Variants in SPAG16 observed in about 807,000 individuals in gnomAD.
SPAG16 encodes sperm-associated antigen 16 protein.
A neutral mutation model predicts 80.4 loss-of-function variants in SPAG16; 86 were observed. The observed-to-expected ratio is 1.07, with a 90% CI of 0.90 to 1.28. The LOEUF (loss-of-function observed/expected upper bound fraction) is 1.28. Among genes scored for constraint, SPAG16 ranks in the 50% most tolerant of loss-of-function variants. SPAG16 has a pLI of 0.00. For synonymous variants in SPAG16, 294 were observed against 265.9 expected, an observed-to-expected ratio of 1.11 and a Z score of -1.03; for missense variants, 870 against 765.3, an observed-to-expected ratio of 1.14 and a Z score of -1.61.
chr2:214,173,219 T>C (rs2056945178), intron 15 of SPAG16, among the ~76,000 whole-genome samples: 1 of 152,160 alleles, frequency 6.6e-6, no homozygotes, highest in South Asian at 2.1e-4. Flanking sequence ...TCTAGGGTTT[T>C]TATGGTTTTA....
intron 15 of SPAG16, among the ~76,000 whole-genome samples, chr2:214,294,829 C>A (rs532479456): frequency 1.3e-4 from 20 of 152,232 alleles, no homozygotes; most frequent in South Asian, 8.3e-4. Flanking sequence ...GATCTTAATG[C>A]CTCTCCCAAT....
chr2:214,269,628 A>G (rs937234873), intron 15 of SPAG16, among the ~76,000 whole-genome samples: 4 of 152,148 alleles, frequency 2.6e-5, no homozygotes, highest in Admixed American at 6.6e-5. Context: ...TTGTAATGCC[A>G]TAAGAATTAT....
At chr2:213,926,010 C>A (rs780621230) in intron 11 of SPAG16, among the ~76,000 whole-genome samples, 1 of 151,700 alleles carries the variant, frequency 6.6e-6, no homozygotes, top group Non-Finnish European at 1.5e-5. Flanking sequence ...ATACATTTTT[C>A]TTTCCAAACA....
rs965021702 is a variant in SPAG16, at chr2:213,598,744, A to G, written c.1070+108654A>G. Among the ~76,000 whole-genome samples, 12 of 152,342 alleles carry G rather than the reference A, an allele frequency of 7.9e-5. No homozygotes were observed. The East Asian group carries it at 2.3e-3, about 29-fold the overall frequency. ...TTTGTGGGGAAAGAGGTACTGAGAC[A>G]GGAATAATACATGGTGGTTGCAGGA... On this transcript the variant is annotated intron_variant, in intron 10 of 15. Transcript: ENST00000331683.
intron 10 of SPAG16, among the ~76,000 whole-genome samples, chr2:213,538,235 T>A (rs1156257505): frequency 6.6e-6 from 1 of 152,188 alleles, no homozygotes; most frequent in Admixed American, 6.5e-5. Flanking sequence ...GTTTGGATGA[T>A]ACATTTTTCT....
intron 10 of SPAG16, among the ~76,000 whole-genome samples, chr2:213,792,576 CTTTT>C (rs11372174): frequency 3.8e-5 from 3 of 78,250 alleles, no homozygotes; most frequent in East Asian, 4.1e-4. Flanking sequence ...AAATGAGTAT[CTTTT>C]TTTTTTTTTT....
At chr2:213,924,240 C>T (rs930717798) in intron 11 of SPAG16, among the ~76,000 whole-genome samples, 3 of 152,148 alleles carry the variant, frequency 2.0e-5, no homozygotes, top group Admixed American at 2.0e-4. Flanking sequence ...TTGATAGTTG[C>T]CCCTGCAAAA....
chr2:213,587,241 C>T (rs528334889), intron 10 of SPAG16, among the ~76,000 whole-genome samples: 3 of 152,286 alleles, frequency 2.0e-5, no homozygotes, highest in Non-Finnish European at 2.9e-5. Context: ...TAGAAGCAGC[C>T]ACATTCCCAC....
chr2:213,584,261 T>C (rs780540406), intron 10 of SPAG16, among the ~76,000 whole-genome samples: 14 of 151,738 alleles, frequency 9.2e-5, no homozygotes, highest in Non-Finnish European at 1.5e-4. Flanking sequence ...TTATCGTTTT[T>C]AAAATGTCTT....
At chr2:214,168,015 G>C (rs1346552686) in intron 15 of SPAG16, among the ~76,000 whole-genome samples, 4 of 126,422 alleles carry the variant, frequency 3.2e-5, no homozygotes, top group Non-Finnish European at 6.4e-5. Context: ...TTTTGAGATA[G>C]AGTCTTGCTC....
intron 15 of SPAG16, among the ~76,000 whole-genome samples, chr2:214,280,322 A>G (rs959848476): frequency 1.3e-5 from 2 of 152,238 alleles, no homozygotes; most frequent in East Asian, 1.9e-4. Context: ...ATTAAATACA[A>G]TGCCAGTTCA....
chr2:213,644,072 C>T (rs144291382), intron 10 of SPAG16, among the ~76,000 whole-genome samples: 8,802 of 151,034 alleles, frequency 0.058, 835 homozygotes, highest in African/African-American at 0.2. Context: ...TGAGACACCA[C>T]GCCCGGCCCA....
intron 13 of SPAG16, among the ~76,000 whole-genome samples, chr2:214,047,296 C>A (rs182615473): frequency 5.3e-5 from 8 of 152,192 alleles, no homozygotes; most frequent in African/African-American, 1.4e-4. Flanking sequence ...TGCTCCAGAG[C>A]TTTGATTAAT....
In SPAG16 at chr2:213,317,809, A is replaced by G. The variant is rs979044654; in HGVS notation, c.536+453A>G. 1.4e-5 allele frequency: 12 copies of G among 842,962 alleles called. No individual in the cohort carries two copies. In the South Asian group the frequency reaches 1.6e-4, roughly 11 times the overall value. 52.2% of individuals were successfully genotyped at this position (842,962 alleles called of 1,614,324 possible). A position where few individuals can be genotyped will look rare whatever the true frequency, so the allele number is the denominator to read the frequency against. ...TGGACTTTGGGTGATAATGATATGTAGGTTCGTCAGTTGTTAACAAATGTA... is the reference window on the plus strand; with the variant it reads ...TGGACTTTGGGTGATAATGATATGTGGGTTCGTCAGTTGTTAACAAATGTA... On this transcript the variant is annotated intron_variant, in intron 5 of 15. Coordinates refer to ENST00000331683, the MANE Select transcript of SPAG16 (RefSeq NM_024532.5).
rs376293001 is a variant in SPAG16 at position 214,062,631 on chromosome 2, T to A, written c.1528-45565T>A. Among the ~76,000 whole-genome samples the A allele has an allele frequency of 7.3e-5, 11 of 151,328 alleles. No individual in the cohort carries two copies. In the East Asian group the frequency reaches 2.1e-3, roughly 29 times the overall value. ...TCCACATCTAATTCATCACAATATC[T>A]TGTTGGCACCACCGCACCTGTTGTA... On this transcript the variant is annotated intron_variant, in intron 13 of 15. Transcript: ENST00000331683.
chr2:213,592,758 C>G (rs2060746853), intron 10 of SPAG16, among the ~76,000 whole-genome samples: 1 of 152,140 alleles, frequency 6.6e-6, no homozygotes, highest in African/African-American at 2.4e-5. Flanking sequence ...CTGTGCAACA[C>G]AGAGCACATG....
At chr2:214,139,163 GTTATA>G (rs879805588) in intron 14 of SPAG16, among the ~76,000 whole-genome samples, 1 of 151,960 alleles carries the variant, frequency 6.6e-6, no homozygotes, top group Non-Finnish European at 1.5e-5. Flanking sequence ...ATTTCTTTTT[GTTATA>G]TTTAAGACAA....
At chr2:214,152,586 G>A (rs1384970075) in intron 15 of SPAG16, among the ~76,000 whole-genome samples, 1 of 152,150 alleles carries the variant, frequency 6.6e-6, no homozygotes, top group Non-Finnish European at 1.5e-5. Context: ...CGACGAGAGA[G>A]TGTAGAAATA....
chr2:214,073,637 A>C (rs2050921983), intron 13 of SPAG16, among the ~76,000 whole-genome samples: 1 of 152,184 alleles, frequency 6.6e-6, no homozygotes, highest in Admixed American at 6.5e-5. Flanking sequence ...TTGATCTATA[A>C]ATTTAGTGAA....
Sources: gnomAD v4.1 joint callset for allele counts (sites outside exome capture counted in the v4.1 genomes callset) on GRCh38, gnomAD v4.1.1 for gene constraint, MANE v1.5 for transcripts, NCBI Gene and HGNC (gene_info 2026-07-23, HGNC 2026-07-21) for gene names.